ABCB11: variants seen among roughly 807,000 people sequenced by gnomAD.
ABCB11 encodes bile salt export pump.
In ABCB11, 95 loss-of-function variants were observed where a neutral mutation model predicts 148.0. That is an observed-to-expected ratio of 0.64 (90% CI 0.54 to 0.76). ABCB11 has a LOEUF of 0.76. Among genes scored for constraint, ABCB11 ranks in the 30% least tolerant of loss-of-function variants. The probability of loss-of-function intolerance (pLI) is 0.00; values close to 1 mark genes in which losing one functional copy is unlikely to be tolerated. For missense variants in ABCB11, 1,523 were observed against 1,617.8 expected (o/e 0.94, Z 1.01); for synonymous variants, 591 against 555.4 (o/e 1.06, Z -0.90).
At chr2:168,939,661 A>G (rs570558958) in intron 21 of ABCB11, among the ~76,000 whole-genome samples, 1 of 152,068 alleles carries the variant, frequency 6.6e-6, no homozygotes, top group Non-Finnish European at 1.5e-5. Flanking sequence ...TAATAAGAAA[A>G]TAAAATGAGT....
chr2:168,953,498 T>C (rs540225575), intron 19 of ABCB11, among the ~76,000 whole-genome samples: 7 of 151,518 alleles, frequency 4.6e-5, no homozygotes, highest in Admixed American at 1.3e-4. Flanking sequence ...TTATCTGATA[T>C]AAGTGTGGCT....
intron 18 of ABCB11, 53 bp downstream of exon 18, chr2:168,964,153 A>C: frequency 7.4e-7 from 1 of 1,344,716 alleles, no homozygotes; most frequent in Non-Finnish European, 1.0e-6. Context: ...GGTACCCAAC[A>C]GTCCCCAGGA....
At chr2:168,989,365 C>T (rs988006541) in intron 9 of ABCB11, among the ~76,000 whole-genome samples, 10 of 152,088 alleles carry the variant, frequency 6.6e-5, no homozygotes, top group East Asian at 5.8e-4. Flanking sequence ...TCCCCAACAT[C>T]GTTTATTGAA....
chr2:168,982,897 C>A (rs1004070885), intron 10 of ABCB11, among the ~76,000 whole-genome samples: 1 of 152,084 alleles, frequency 6.6e-6, no homozygotes, highest in Non-Finnish European at 1.5e-5. Flanking sequence ...TACAGAAAGA[C>A]GTTGGGAGTA....
intron 26 of ABCB11, among the ~76,000 whole-genome samples, chr2:168,926,308 C>T (rs1020392966): frequency 6.6e-6 from 1 of 152,150 alleles, no homozygotes; most frequent in African/African-American, 2.4e-5. Flanking sequence ...ACCCACCACC[C>T]ACGGTACACA....
At chr2:169,006,629 T>C (rs1202340771) in intron 5 of ABCB11, among the ~76,000 whole-genome samples, 1 of 152,116 alleles carries the variant, frequency 6.6e-6, no homozygotes, top group East Asian at 1.9e-4. Flanking sequence ...GTTATTTCTA[T>C]TTGCAGATGA....
At chr2:169,020,438 C>A (rs1695501571) in intron 1 of ABCB11, among the ~76,000 whole-genome samples, 2 of 151,360 alleles carry the variant, frequency 1.3e-5, no homozygotes, top group African/African-American at 2.4e-5. Context: ...AAAATGTCAT[C>A]AATCCAACAA....
intron 14 of ABCB11, 77 bp from the exon 15 acceptor site, chr2:168,970,292 T>C: frequency 6.4e-7 from 1 of 1,554,828 alleles, no homozygotes; most frequent in Non-Finnish European, 8.7e-7. Context: ...TAATGTCCTT[T>C]CTGTCATAGT....
Position 169,016,663 on chromosome 2 carries a change from A to G in ABCB11, c.98+115T>C, listed in dbSNP as rs115378731. 4.0e-3 allele frequency: 3,251 copies of G among 822,380 alleles called. 79 individuals are homozygous for G. In the African/African-American group the frequency reaches 0.05, roughly 13 times the overall value. The allele number at this position is 822,380 out of a possible 1,614,324, so 50.9% of individuals were successfully genotyped here. A position where few individuals can be genotyped will look rare whatever the true frequency, so the allele number is the denominator to read the frequency against. On this transcript the variant is annotated intron_variant, in intron 3 of 27. Transcript: ENST00000650372. ...AAGAGAAAAAGAATGGATTGTATAT[A>G]TTATTTTATATGAAGTGCAATGTGC...
chr2:168,941,838 T>C (rs1359126382), intron 21 of ABCB11, among the ~76,000 whole-genome samples: 1 of 152,062 alleles, frequency 6.6e-6, no homozygotes, highest in Non-Finnish European at 1.5e-5. Flanking sequence ...TAAATTAAGA[T>C]ATGTACATTG....
chr2:168,992,428 ATGTT>A (rs1213942967), intron 8 of ABCB11, among the ~76,000 whole-genome samples: 3 of 152,070 alleles, frequency 2.0e-5, no homozygotes, highest in Non-Finnish European at 4.4e-5. Context: ...AAATGAAAAA[ATGTT>A]TGCAAAACCC....
intron 14 of ABCB11, chr2:168,970,534 T>A: frequency 2.3e-6 from 1 of 441,872 alleles, no homozygotes; most frequent in African/African-American, 2.0e-5. Flanking sequence ...TCTCAGAGGA[T>A]TAAAGCACAG....
At chr2:168,937,922 G>A (rs973381236) in intron 21 of ABCB11, among the ~76,000 whole-genome samples, 7 of 152,048 alleles carry the variant, frequency 4.6e-5, no homozygotes, top group East Asian at 1.9e-4. Context: ...CCAAATCGTC[G>A]TTTCAGTTGC....
intron 17 of ABCB11, among the ~76,000 whole-genome samples, 184 bp from the exon 18 acceptor site, chr2:168,964,492 G>T (rs566163283): frequency 1.9e-4 from 29 of 151,854 alleles, no homozygotes; most frequent in African/African-American, 7.0e-4. Context: ...GAGCTAATCA[G>T]GTTGATTGCT....
intron 4 of ABCB11, among the ~76,000 whole-genome samples, chr2:169,013,764 T>C (rs1695268935): frequency 1.3e-5 from 2 of 152,208 alleles, no homozygotes; most frequent in African/African-American, 4.8e-5. Flanking sequence ...ATTCATTCTG[T>C]TTATTTCAGG....
chr2:168,950,756 T>G (rs1312268214), intron 19 of ABCB11, among the ~76,000 whole-genome samples: 1 of 151,906 alleles, frequency 6.6e-6, no homozygotes, highest in East Asian at 1.9e-4. Flanking sequence ...CTGCTTCTTT[T>G]GCTGTGCAAA....
chr2:168,979,093 C>T (rs1474624589), intron 11 of ABCB11, among the ~76,000 whole-genome samples: 1 of 151,978 alleles, frequency 6.6e-6, no homozygotes, highest in Non-Finnish European at 1.5e-5. Context: ...TCCCTTTTTG[C>T]CATATTTAGA....
intron 5 of ABCB11, among the ~76,000 whole-genome samples, chr2:169,001,513 C>A (rs1448330124): frequency 6.6e-6 from 1 of 152,046 alleles, no homozygotes; most frequent in African/African-American, 2.4e-5. Flanking sequence ...AGTCAGGCCT[C>A]CCACATATTC....
chr2:168,920,833 C>T lies in ABCB11; in HGVS notation c.*2789G>A, dbSNP rs886926049. Among the ~76,000 whole-genome samples the T allele has an allele frequency of 2.0e-5, 3 of 152,150 alleles. No individual in the cohort carries two copies. Among genetic ancestry groups the T allele is most frequent in the African/African-American group, 7.2e-5 (3 of 41,430 alleles). On this transcript the variant is annotated 3_prime_UTR_variant, in exon 28 of 28. Coordinates refer to ENST00000650372, the MANE Select transcript of ABCB11 (RefSeq NM_003742.4). ...ATTTATTCATTTTTGAAGTTGTAAT[C>T]TTCTCCTTTGTCACTGAGCCTCAAT...
Sources: gnomAD v4.1 joint callset for allele counts (sites outside exome capture counted in the v4.1 genomes callset) on GRCh38, gnomAD v4.1.1 for gene constraint, MANE v1.5 for transcripts, NCBI Gene and HGNC (gene_info 2026-07-23, HGNC 2026-07-21) for gene names.